TANC2: variants seen among roughly 807,000 people sequenced by gnomAD.
TANC2 encodes the protein tetratricopeptide repeat, ankyrin repeat and coiled-coil containing 2.
In TANC2, 26 loss-of-function variants were observed where a neutral mutation model predicts 210.5. The ratio of observed to expected loss-of-function variants is 0.12; its 90% CI spans 0.09 to 0.17. The LOEUF (loss-of-function observed/expected upper bound fraction) is 0.17. TANC2 is among the 10% of genes least tolerant of loss of function. The pLI is 1.00. For missense variants in TANC2, 2,129 were observed against 2,608.9 expected (o/e 0.82, Z 4.01); for synonymous variants, 931 against 967.1 (o/e 0.96, Z 0.69).
At chr17:63,245,905 G>C (rs946834122) in intron 8 of TANC2, among the ~76,000 whole-genome samples, 1 of 151,402 alleles carries the variant, frequency 6.6e-6, no homozygotes, top group Admixed American at 6.6e-5. Context: ...AGCTGCTCAG[G>C]AGACTGAGGC....
At chr17:63,130,568 T>G (rs1309763946) in intron 4 of TANC2, among the ~76,000 whole-genome samples, 2 of 152,178 alleles carry the variant, frequency 1.3e-5, no homozygotes, top group African/African-American at 4.8e-5. Context: ...TGCTGTTTTG[T>G]TAATTCCTTT....
At chr17:63,374,550 A>C (rs1478712561) in intron 14 of TANC2, among the ~76,000 whole-genome samples, 1 of 152,084 alleles carries the variant, frequency 6.6e-6, no homozygotes, top group African/African-American at 2.4e-5. Flanking sequence ...GGAACCCCTG[A>C]GTTTATCGGG....
chr17:63,141,908 GA>G (rs1022665618), intron 4 of TANC2, among the ~76,000 whole-genome samples: 9 of 152,132 alleles, frequency 5.9e-5, no homozygotes, highest in African/African-American at 2.2e-4. Flanking sequence ...TGTAATGTTG[GA>G]AAAAGTTTTT....
intron 8 of TANC2, among the ~76,000 whole-genome samples, chr17:63,262,189 T>G (rs192825258): frequency 1.3e-5 from 2 of 152,152 alleles, no homozygotes; most frequent in African/African-American, 4.8e-5. Flanking sequence ...AAACTGAGAT[T>G]GATTTTTTTT....
Position 63,239,021 on chromosome 17 carries a change from A to G in TANC2, c.1033+944A>G, listed in dbSNP as rs537264108. 3.9e-5 allele frequency among the ~76,000 whole-genome samples: 6 copies of G among 152,244 alleles called. No homozygotes were observed. The South Asian group carries it at 6.2e-4, about 16-fold the overall frequency. On this transcript the variant is annotated intron_variant, in intron 8 of 27. Transcript: ENST00000689528. ...TTGGGTGGGGACACAGAGCCAAACC[A>G]TATCAGAAATGATATAGCATGGTGG...
chr17:63,220,071 GA>G (rs1452379476), intron 7 of TANC2, among the ~76,000 whole-genome samples: 7 of 152,052 alleles, frequency 4.6e-5, no homozygotes, highest in Non-Finnish European at 8.8e-5. Context: ...GAGGTGGGTG[GA>G]TCACCGGAGG....
Position 63,420,038 on chromosome 17 carries a change from C to T in TANC2, c.4308C>T (p.Ile1436=). 1 of 1,551,514 alleles carries T rather than the reference C, an allele frequency of 6.4e-7. No homozygotes were observed. The highest frequency in any genetic ancestry group is 8.7e-7 in the Non-Finnish European group (1 of 1,146,530). Reference sequence around the variant, plus strand: ...CCTTAGAGGACCTGAACGAGGCCATCAAGCTGTGTCCCAACAACCGTGAGA... The same window carrying T: ...CCTTAGAGGACCTGAACGAGGCCATTAAGCTGTGTCCCAACAACCGTGAGA... The change falls in exon 28 of 28, where the codon ATC becomes ATT. Residue 1436 remains isoleucine (I), a synonymous_variant. Coordinates refer to ENST00000689528, the Ensembl canonical transcript of TANC2. The surrounding 1 kb of genome is among the most constrained non-coding windows in gnomAD (Gnocchi z 4.2).
At chr17:63,054,439 T>G (rs2035694671) in intron 2 of TANC2, among the ~76,000 whole-genome samples, 1 of 152,200 alleles carries the variant, frequency 6.6e-6, no homozygotes, top group Non-Finnish European at 1.5e-5. Flanking sequence ...TGGCGCGATC[T>G]CGGCTCACTG....
chr17:63,182,441 G>A (rs922494803), intron 5 of TANC2: 1 of 273,024 alleles, frequency 3.7e-6, no homozygotes, highest in Admixed American at 3.7e-5. Context: ...GTTTTAGTTT[G>A]GCGTCACATT....
intron 3 of TANC2, among the ~76,000 whole-genome samples, chr17:63,091,422 T>C (rs902852937): frequency 9.2e-5 from 14 of 152,242 alleles, no homozygotes. Context: ...TTCAGCTTTC[T>C]ACATATGGCT....
chr17:63,282,167 A>C (rs555274249), intron 9 of TANC2, among the ~76,000 whole-genome samples: 59 of 152,222 alleles, frequency 3.9e-4, no homozygotes, highest in African/African-American at 1.3e-3. Context: ...ATAATGAACA[A>C]AGCCAGAATT....
chr17:63,197,817 G>C lies in TANC2; in HGVS notation c.583-2954G>C, dbSNP rs182180043. On this transcript the variant is annotated intron_variant, in intron 6 of 27. Transcript: ENST00000689528. Reference sequence around the variant, plus strand: ...TTTAGGAAGTGCAGTGGCTTAAATAGACGTCCATTTTAGCCTACAGCATGA... The same window carrying C: ...TTTAGGAAGTGCAGTGGCTTAAATACACGTCCATTTTAGCCTACAGCATGA... 96 of 152,300 alleles carry C rather than the reference G, an allele frequency of 6.3e-4. 1 individual carries two copies. In the East Asian group the frequency reaches 6.6e-3, roughly 10 times the overall value. 9.4% of individuals were successfully genotyped at this position (152,300 alleles called of 1,614,324 possible).
intron 9 of TANC2, among the ~76,000 whole-genome samples, chr17:63,306,032 A>G (rs58875303): frequency 0.021 from 3,214 of 152,276 alleles, 103 homozygotes; most frequent in African/African-American, 0.072. Flanking sequence ...GCACCTTTGG[A>G]CGCGCTAGAA....
intron 21 of TANC2, among the ~76,000 whole-genome samples, chr17:63,410,588 G>A (rs1476794915): frequency 1.3e-5 from 2 of 152,014 alleles, no homozygotes; most frequent in Admixed American, 1.3e-4. Flanking sequence ...CTTCTGCTCA[G>A]CTCAGAAAAC....
chr17:63,238,176 A>C lies in TANC2; in HGVS notation c.1033+99A>C, dbSNP rs2042675535. 2.2e-6 allele frequency: 3 copies of C among 1,368,316 alleles called. No individual in the cohort carries two copies. In the African/African-American group the frequency reaches 4.4e-5, roughly 20 times the overall value. The allele number at this position is 1,368,316 out of a possible 1,614,324, so 84.8% of individuals were successfully genotyped here. A position where few individuals can be genotyped will look rare whatever the true frequency, so the allele number is the denominator to read the frequency against. On this transcript the variant is annotated intron_variant, in intron 8 of 27. Coordinates refer to ENST00000689528, the Ensembl canonical transcript of TANC2. ...AATAAATCCTGCTCTGACAGTATTT[A>C]AATTTTCCATTCATCTTTTCTGACT...
At chr17:63,118,753 G>A (rs1214614128) in intron 4 of TANC2, among the ~76,000 whole-genome samples, 1 of 151,178 alleles carries the variant, frequency 6.6e-6, no homozygotes, top group Non-Finnish European at 1.5e-5. Flanking sequence ...TGGACTACAG[G>A]CATGTGCCAC....
At chr17:63,388,108 T>C (rs955580616) in intron 15 of TANC2, 12 of 152,376 alleles carry the variant, frequency 7.9e-5, no homozygotes, top group Non-Finnish European at 1.3e-4. Context: ...AAAGGAACAA[T>C]AGAAAGTGTA....
chr17:63,272,903 G>A (rs1598748694), intron 9 of TANC2, among the ~76,000 whole-genome samples: 1 of 152,072 alleles, frequency 6.6e-6, no homozygotes, highest in East Asian at 1.9e-4. Flanking sequence ...CATTGATTGG[G>A]AACTTCATAT....
intron 5 of TANC2, chr17:63,152,218 T>A (rs781107540): frequency 6.6e-6 from 1 of 152,120 alleles, no homozygotes; most frequent in Non-Finnish European, 1.5e-5. Context: ...TAAACCACAG[T>A]GAATACAACT....
Sources: gnomAD v4.1 joint callset for allele counts (sites outside exome capture counted in the v4.1 genomes callset) on GRCh38, gnomAD v4.1.1 for gene constraint, Gnocchi (gnomAD v3.1) non-coding constraint, MANE v1.5 for transcripts, NCBI Gene and HGNC (gene_info 2026-07-23, HGNC 2026-07-21) for gene names.